EOGT: variants seen among roughly 807,000 people sequenced by gnomAD.
The protein encoded by EOGT is EGF domain specific O-linked N-acetylglucosamine transferase.
EOGT carries 55 observed loss-of-function variants against 70.5 expected under a neutral mutation model. That is an observed-to-expected ratio of 0.78 (90% confidence interval 0.63 to 0.98). The LOEUF (loss-of-function observed/expected upper bound fraction) is 0.98. EOGT is among the 50% of genes least tolerant of loss of function. The probability of loss-of-function intolerance (pLI) is 0.00; values close to 1 mark genes in which losing one functional copy is unlikely to be tolerated. For synonymous variants in EOGT, 246 were observed against 217.1 expected, an observed-to-expected ratio of 1.13 and a Z score of -1.17; for missense variants, 703 against 641.9, an observed-to-expected ratio of 1.10 and a Z score of -1.03.
At chr3:68,993,573 C>A (rs1367961556) in intron 10 of EOGT, among the ~76,000 whole-genome samples, 2 of 152,182 alleles carry the variant, frequency 1.3e-5, no homozygotes, top group African/African-American at 4.8e-5. Context: ...GTCTTCTGAG[C>A]CCTTCAAACT....
chr3:68,981,100 T>A (rs1184523310), intron 15 of EOGT, among the ~76,000 whole-genome samples: 1 of 152,210 alleles, frequency 6.6e-6, no homozygotes, highest in Middle Eastern at 3.2e-3. Flanking sequence ...AGATTTTACA[T>A]AATCTGTAAA....
At chr3:69,009,933 C>CAAAAAAAAAAAAAAAAA in intron 3 of EOGT, 73 bp from the exon 4 acceptor site, 5 of 255,188 alleles carry the variant, frequency 2.0e-5, no homozygotes, top group South Asian at 4.7e-5. Flanking sequence ...ACAACAACAA[C>CAAAAAAAAAAAAAAAAA]AAAAAAAAAA....
rs879127692 is a variant in EOGT, at chr3:69,008,467, C to A, written c.272G>T (p.Arg91Met). The change falls in exon 5 of 18, where the codon AGG (arginine) becomes ATG (methionine). Residue 91 changes from arginine (R) to methionine (M), a missense_variant. Physicochemically the swap from Arg to Met is moderately conservative, Grantham distance 91 (BLOSUM62 -1). Transcript: ENST00000383701. ...GYEKSCKPEF[R>M]FGYPVCSYVD... ...ATAGCTGCAAACTGGGTAACCAAACCTGAACTCTGGTTTGCAGGATTTCTC... is the reference window on the plus strand; with the variant it reads ...ATAGCTGCAAACTGGGTAACCAAACATGAACTCTGGTTTGCAGGATTTCTC... 6.2e-7 allele frequency: 1 copy of A among 1,614,100 alleles called. No homozygotes were observed. The highest frequency in any genetic ancestry group is 1.1e-5 in the South Asian group (1 of 91,080).
intron 10 of EOGT, among the ~76,000 whole-genome samples, chr3:68,995,935 G>A (rs564437878): frequency 1.9e-3 from 287 of 152,054 alleles, no homozygotes; most frequent in African/African-American, 6.8e-3. Flanking sequence ...AGTCCACGGG[G>A]GTCATAAGCA....
rs1351939742 is a variant in EOGT at position 69,001,665 on chromosome 3, C to A, written c.670G>T (p.Asp224Tyr). The change falls in exon 9 of 18, where the codon GAT becomes TAT. Residue 224 changes from aspartate to tyrosine, a missense_variant. Transcript: ENST00000383701. Reference protein sequence around the residue: ...YTQLNFRPIEDAKCDIVIEKP... With the variant: ...YTQLNFRPIEYAKCDIVIEKP... ...TCAATGACAATGTCACATTTAGCAT[C>A]TTCTATAGGTCTGAAGTTGAGCTGA... is the stretch of plus-strand genomic sequence containing the variant. The A allele has an allele frequency of 6.2e-7, 1 of 1,611,656 alleles. No individual in the cohort carries two copies. Among genetic ancestry groups the A allele is most frequent in the African/African-American group, 1.3e-5 (1 of 74,846 alleles).
intron 10 of EOGT, among the ~76,000 whole-genome samples, chr3:68,996,600 G>A (rs1189368246): frequency 6.6e-6 from 1 of 152,210 alleles, no homozygotes; most frequent in African/African-American, 2.4e-5. Context: ...GGCCCCTACA[G>A]GATATGAGGC....
intron 8 of EOGT, among the ~76,000 whole-genome samples, chr3:69,002,893 C>T (rs1055968711): frequency 2.0e-5 from 3 of 152,136 alleles, no homozygotes; most frequent in African/African-American, 7.2e-5. Flanking sequence ...GTCTTGAACT[C>T]CTGGCTTCAA....
intron 10 of EOGT, among the ~76,000 whole-genome samples, chr3:68,992,818 C>A (rs2091032920): frequency 6.6e-6 from 1 of 152,206 alleles, no homozygotes; most frequent in Non-Finnish European, 1.5e-5. Flanking sequence ...TGGAGGTTCC[C>A]AAACCTCAAT....
intron 9 of EOGT, among the ~76,000 whole-genome samples, chr3:68,998,734 G>A: frequency 6.6e-6 from 1 of 151,432 alleles, no homozygotes; most frequent in East Asian, 1.9e-4. Flanking sequence ...CACTCAGGAG[G>A]CTGAGGCAGG....
At chr3:68,989,213 A>G (rs1186495970) in intron 10 of EOGT, among the ~76,000 whole-genome samples, 196 bp from the exon 11 acceptor site, 1 of 152,222 alleles carries the variant, frequency 6.6e-6, no homozygotes, top group Non-Finnish European at 1.5e-5. Context: ...ATCATCAGAA[A>G]TAATTATCAC....
intron 15 of EOGT, among the ~76,000 whole-genome samples, chr3:68,982,272 C>T (rs1311215678): frequency 6.6e-6 from 1 of 152,120 alleles, no homozygotes; most frequent in East Asian, 1.9e-4. Flanking sequence ...TTAATTGCAG[C>T]ACTTTGGGAG....
intron 4 of EOGT, 76 bp from the exon 5 acceptor site, chr3:69,008,604 A>G: frequency 9.9e-7 from 1 of 1,012,556 alleles, no homozygotes; most frequent in South Asian, 1.3e-5. Context: ...CATTAAGAAA[A>G]CAAATCATTA....
At chr3:68,992,338 G>C (rs1379687942) in intron 10 of EOGT, among the ~76,000 whole-genome samples, 4 of 152,164 alleles carry the variant, frequency 2.6e-5, no homozygotes, top group African/African-American at 2.4e-5. Context: ...GTTCCAAATG[G>C]GAGAAATTGG....
chr3:68,998,810 C>G (rs28650993), intron 9 of EOGT, among the ~76,000 whole-genome samples: 1 of 135,580 alleles, frequency 7.4e-6, no homozygotes, highest in Admixed American at 8.7e-5. Flanking sequence ...GCACTCCAGT[C>G]TGAGCAACAG....
rs1393508888 is a variant in EOGT at position 68,982,841 on chromosome 3, A to G, written c.1184T>C (p.Phe395Ser). 2 of 1,606,122 alleles carry G rather than the reference A, an allele frequency of 1.2e-6. No individual in the cohort carries two copies. Among genetic ancestry groups the G allele is most frequent in the African/African-American group, 2.7e-5 (2 of 74,588 alleles). Residue 395 changes from phenylalanine to serine, a missense_variant, in exon 15 of 18, where the codon TTT becomes TCT. Phe to Ser is a radical substitution (Grantham distance 155). Coordinates refer to ENST00000383701, the MANE Select transcript of EOGT (RefSeq NM_001278689.2). ...CTTGTAATCAACAATCTGGACTTCA[A>G]ATGTAGATACTGTTTTCAGTGCATT... is the stretch of plus-strand genomic sequence containing the variant. The part of the protein sequence containing the change: ...LVNALKTVST[F>S]EVQIVDYKYR...
At position 68,989,009 on chromosome 3, in the gene EOGT, G is replaced by A. The variant is rs17048266; in HGVS notation, c.840C>T (p.Tyr280=). 6.5e-3 allele frequency: 9,919 copies of A among 1,520,990 alleles called. 542 individuals carry two copies. The African/African-American group carries it at 0.12, about 18-fold the overall frequency. 94.2% of individuals were successfully genotyped at this position (1,520,990 alleles called of 1,614,324 possible). The change falls in exon 11 of 18, where the codon TAC becomes TAT. Residue 280 remains tyrosine (Y), a synonymous_variant. Coordinates refer to ENST00000383701, the MANE Select transcript of EOGT (RefSeq NM_001278689.2). ...TGTCGGAGAATAGGTCACCATATCC[G>A]TAAGAACTCTGAAAGTAGAAACAAA... ...VYIVMWDTSS[Y]GYGDLFSDTW...
In EOGT at chr3:68,978,350, CTT is replaced by C. The variant is rs1400776037; in HGVS notation, c.1418_1419del (p.Lys473SerfsTer6). ...AACTTTACCTTATCCTGAGGAAAGA[CTT>C]TGTTCTGCCGTCGCCAAGTGATGTA... ...VHYITWRRQN[K>X]VFPQDKGHHP... is the part of the protein sequence containing the mutation. On this transcript the variant is annotated frameshift_variant, in exon 17 of 18. Coordinates refer to ENST00000383701, the MANE Select transcript of EOGT (RefSeq NM_001278689.2). LOFTEE classifies it high-confidence loss of function. The C allele has an allele frequency of 1.2e-6, 2 of 1,612,104 alleles. No homozygotes were observed. The highest frequency in any genetic ancestry group is 1.3e-5 in the African/African-American group (1 of 74,798).
chr3:68,988,300 G>C lies in EOGT; in HGVS notation c.1078C>G (p.Pro360Ala). ...LHRLNITQEG[P>A]KDGKIRVTIL... ...ATCCGCAGTGTATCCATTACCTTAG[G>C]TCCTTCTTGTGTGATGTTTAGTCTG... The change falls in exon 13 of 18, where the codon CCT (proline) becomes GCT (alanine). Residue 360 changes from proline to alanine, a missense_variant. By Grantham distance (27) the Pro-to-Ala change is conservative. Transcript: ENST00000383701. 1 of 1,534,740 alleles carries C rather than the reference G, an allele frequency of 6.5e-7. No homozygotes were observed. The highest frequency in any genetic ancestry group is 8.7e-7 in the Non-Finnish European group (1 of 1,145,708).
At chr3:69,007,859 T>G in intron 5 of EOGT, 38 bp from the exon 6 acceptor site, 1 of 1,494,836 alleles carries the variant, frequency 6.7e-7, no homozygotes, top group Non-Finnish European at 9.2e-7. Context: ...TTTTTTCTTT[T>G]TACTTTTTTG....
Sources: allele counts gnomAD v4.1 joint callset (sites outside exome capture counted in the v4.1 genomes callset), GRCh38; gene constraint gnomAD v4.1.1; transcripts MANE v1.5; gene names NCBI Gene and HGNC (gene_info 2026-07-23, HGNC 2026-07-21).